HECW2: variants seen among roughly 807,000 people sequenced by gnomAD.
The protein encoded by HECW2 is HECT, C2 and WW domain containing E3 ubiquitin protein ligase 2.
In HECW2, 61 loss-of-function variants were observed where a neutral mutation model predicts 175.2. The ratio of observed to expected loss-of-function variants is 0.35; its 90% CI spans 0.28 to 0.43. The LOEUF is 0.43. HECW2 is among the 20% of genes least tolerant of loss of function. The pLI is 1.00. For missense variants in HECW2, 1,524 were observed against 2,000.5 expected, an observed-to-expected ratio of 0.76 and a Z score of 4.54; for synonymous variants, 671 against 731.0, an observed-to-expected ratio of 0.92 and a Z score of 1.32.
intron 1 of HECW2, among the ~76,000 whole-genome samples, chr2:196,532,885 G>T (rs1688890631): frequency 6.6e-6 from 1 of 152,154 alleles, no homozygotes. Flanking sequence ...ACTTAGCGTG[G>T]CTCAGTGAAC....
chr2:196,268,744 G>T (rs1378734786), intron 17 of HECW2, among the ~76,000 whole-genome samples: 1 of 152,190 alleles, frequency 6.6e-6, no homozygotes, highest in East Asian at 1.9e-4. Flanking sequence ...TTAACTAGTG[G>T]CATGTGTTGG....
chr2:196,344,856 G>A (rs750452475), intron 2 of HECW2, among the ~76,000 whole-genome samples: 1 of 152,116 alleles, frequency 6.6e-6, no homozygotes, highest in African/African-American at 2.4e-5. Context: ...TGGAGAAAAG[G>A]TCCCAAGCCC....
intron 19 of HECW2, among the ~76,000 whole-genome samples, chr2:196,247,463 A>G (rs1157955619): frequency 6.6e-6 from 1 of 152,160 alleles, no homozygotes; most frequent in Non-Finnish European, 1.5e-5. Context: ...TTGTAGACAG[A>G]GGAATTTTAT....
At chr2:196,286,387 C>CAT (rs201658582) in intron 14 of HECW2, among the ~76,000 whole-genome samples, 31 of 137,688 alleles carry the variant, frequency 2.3e-4, no homozygotes, top group Middle Eastern at 3.9e-3. Context: ...AGATGGAGGT[C>CAT]ATATATATAT....
chr2:196,376,308 A>G (rs910067301), intron 2 of HECW2, among the ~76,000 whole-genome samples: 1 of 152,224 alleles, frequency 6.6e-6, no homozygotes, highest in African/African-American at 2.4e-5. Context: ...GAAGTAAAAA[A>G]CAAGAATCCA....
chr2:196,299,501 T>C (rs1013216874), intron 13 of HECW2, among the ~76,000 whole-genome samples: 1 of 152,150 alleles, frequency 6.6e-6, no homozygotes, highest in East Asian at 1.9e-4. Context: ...TCAGAATCAC[T>C]TAAGGGGCCT....
chr2:196,358,119 C>T (rs1490110512), intron 2 of HECW2, among the ~76,000 whole-genome samples: 1 of 152,138 alleles, frequency 6.6e-6, no homozygotes, highest in Non-Finnish European at 1.5e-5. Context: ...CTCCCATTCG[C>T]TGGATTTATG....
chr2:196,275,615 G>A (rs966202884), intron 15 of HECW2, among the ~76,000 whole-genome samples: 6 of 152,120 alleles, frequency 3.9e-5, no homozygotes, highest in East Asian at 1.9e-4. Context: ...AGCCGGGCGC[G>A]GTGGCAGGTG....
chr2:196,323,899 G>GTTTTTTTTTTTTTTTTTTTTTTTTT (rs1183919803), intron 6 of HECW2, among the ~76,000 whole-genome samples: 2 of 118,142 alleles, frequency 1.7e-5, no homozygotes, highest in African/African-American at 3.6e-5. Flanking sequence ...GCCCTTAAGA[G>GTTTTTTTTTTTTTTTTTTTTTTTTT]TTTTTTTTGT....
At chr2:196,289,808 A>G (rs1175709722) in intron 14 of HECW2, 1 of 152,202 alleles carries the variant, frequency 6.6e-6, no homozygotes, top group East Asian at 1.9e-4. Context: ...CAGGACTCCT[A>G]ACATGCAGCC....
chr2:196,325,167 G>A lies in HECW2; in HGVS notation c.572-18C>T. On this transcript the variant is annotated intron_variant, in intron 5 of 28. Transcript: ENST00000644978. Reference sequence around the variant, plus strand: ...CCTAAGATCTTTAAAGAAAGAGGGAGAAGGAGGGAGGGACAAAGAGAAAGC... The same window carrying A: ...CCTAAGATCTTTAAAGAAAGAGGGAAAAGGAGGGAGGGACAAAGAGAAAGC... The A allele has an allele frequency of 6.4e-7, 1 of 1,557,186 alleles. No homozygotes were observed. Among genetic ancestry groups the A allele is most frequent in the Non-Finnish European group, 8.7e-7 (1 of 1,151,348 alleles).
rs368552537 is a variant in HECW2, at chr2:196,278,517, G to T, written c.3135+11C>A. On this transcript the variant is annotated intron_variant, in intron 15 of 28. Coordinates refer to ENST00000644978, the MANE Select transcript of HECW2 (RefSeq NM_001348768.2). The stretch of plus-strand genomic sequence containing the variant: ...CAACCAACAGGTCAGTCCCCAAAAC[G>T]CATGACTCACCTCACCCGCACTGTG... 10 of 1,611,034 alleles carry T rather than the reference G, an allele frequency of 6.2e-6. No homozygotes were observed. The highest frequency in any genetic ancestry group is 8.5e-6 in the Non-Finnish European group (10 of 1,178,342).
rs1416428935 is a variant in HECW2 at position 196,305,512 on chromosome 2, T to C, written c.2814+976A>G. ...GGTGATAGGACTATGTTGACTTTTA[T>C]TTTTCTCTATGATCTACTCTGTTTT... On this transcript the variant is annotated intron_variant, in intron 13 of 28. Transcript: ENST00000644978. Among the ~76,000 whole-genome samples the C allele has an allele frequency of 2.0e-5, 3 of 152,334 alleles. No homozygotes were observed. In the East Asian group the frequency reaches 5.8e-4, roughly 29 times the overall value.
At chr2:196,461,989 A>G (rs1476558834) in intron 1 of HECW2, among the ~76,000 whole-genome samples, 1 of 152,116 alleles carries the variant, frequency 6.6e-6, no homozygotes, top group Non-Finnish European at 1.5e-5. Context: ...GAAAAAACCC[A>G]AATGTCCATC....
At chr2:196,451,260 C>A (rs1031617249) in intron 1 of HECW2, among the ~76,000 whole-genome samples, 1 of 151,562 alleles carries the variant, frequency 6.6e-6, no homozygotes, top group Admixed American at 6.6e-5. Context: ...ATGGTGAAAC[C>A]CCGTCTCTAC....
intron 19 of HECW2, among the ~76,000 whole-genome samples, chr2:196,245,009 G>A (rs912797431): frequency 6.6e-6 from 1 of 152,094 alleles, no homozygotes; most frequent in Non-Finnish European, 1.5e-5. Flanking sequence ...ATTAAGGGTG[G>A]GCAAGAGGAA....
chr2:196,417,375 A>G (rs1181058206), intron 2 of HECW2, among the ~76,000 whole-genome samples: 1 of 152,194 alleles, frequency 6.6e-6, no homozygotes, highest in African/African-American at 2.4e-5. Flanking sequence ...TAAGATGACA[A>G]TGTTGCTGCT....
chr2:196,483,696 A>G (rs1451168496), intron 1 of HECW2, among the ~76,000 whole-genome samples: 24 of 152,244 alleles, frequency 1.6e-4, no homozygotes, highest in Admixed American at 1.6e-3. Context: ...ACAAGGAAAC[A>G]TATTAACCAA....
At chr2:196,557,702 G>T (rs1431798542) in intron 1 of HECW2, among the ~76,000 whole-genome samples, 1 of 152,140 alleles carries the variant, frequency 6.6e-6, no homozygotes, top group East Asian at 1.9e-4. Flanking sequence ...AATATTTCAT[G>T]GGAAAATACT....
Sources: gnomAD v4.1 joint callset for allele counts (sites outside exome capture counted in the v4.1 genomes callset) on GRCh38, gnomAD v4.1.1 for gene constraint, MANE v1.5 for transcripts, NCBI Gene and HGNC (gene_info 2026-07-23, HGNC 2026-07-21) for gene names.